The following ELK3 variants were observed in gnomAD, a reference collection of about 807,000 sequenced individuals.
ELK3 encodes the protein ETS domain-containing protein Elk-3.
A neutral mutation model predicts 28.9 loss-of-function variants in ELK3; 10 were observed. The observed-to-expected ratio is 0.35, with a 90% CI of 0.21 to 0.59. ELK3 has a LOEUF of 0.59. Among genes scored for constraint, ELK3 ranks in the 20% least tolerant of loss-of-function variants. The pLI, the probability that ELK3 is intolerant of heterozygous loss-of-function variation, is 0.82. For synonymous variants in ELK3, 272 were observed against 243.5 expected (o/e 1.12, Z -1.09); for missense variants, 463 against 517.3 (o/e 0.90, Z 1.02).
At chr12:96,263,365 TTTA>T (rs1952007463) in intron 4 of ELK3, among the ~76,000 whole-genome samples, 1 of 152,210 alleles carries the variant, frequency 6.6e-6, no homozygotes, top group Non-Finnish European at 1.5e-5. Context: ...TCTTGGACAG[TTTA>T]TTATTTTCTT....
chr12:96,237,975 C>T (rs1448314503), intron 2 of ELK3, among the ~76,000 whole-genome samples: 10 of 152,042 alleles, frequency 6.6e-5, no homozygotes, highest in East Asian at 1.9e-4. Context: ...CAGGAAGCCG[C>T]GGCCTGGAGA....
chr12:96,216,220 T>C (rs1402163119), intron 1 of ELK3, among the ~76,000 whole-genome samples: 1 of 152,168 alleles, frequency 6.6e-6, no homozygotes, highest in Non-Finnish European at 1.5e-5. Flanking sequence ...ACAGCTCTCA[T>C]GTACTTGACT....
intron 1 of ELK3, among the ~76,000 whole-genome samples, chr12:96,202,684 A>G (rs1376448229): frequency 1.3e-5 from 2 of 151,754 alleles, no homozygotes; most frequent in African/African-American, 2.4e-5. Context: ...GTGCCACCAC[A>G]CCTTGCTAAT....
intron 2 of ELK3, 80 bp downstream of exon 2, chr12:96,223,853 T>C: frequency 7.3e-7 from 1 of 1,374,982 alleles, no homozygotes; most frequent in Non-Finnish European, 1.0e-6. Flanking sequence ...AAGAAAATAA[T>C]AGCGTGCTAT....
At chr12:96,237,266 C>G (rs372617915) in intron 2 of ELK3, among the ~76,000 whole-genome samples, 1 of 152,072 alleles carries the variant, frequency 6.6e-6, no homozygotes, top group African/African-American at 2.4e-5. Flanking sequence ...TCAGAGGAGC[C>G]CTTTCATAAG....
In ELK3 at chr12:96,234,616, G is replaced by A. The variant is rs140442733; in HGVS notation, c.207+10843G>A. ...TGTAACATAAAAAAGAGATGCTTAC[G>A]TGTGTGCAGCATTTTGTTTTAAGCC... On this transcript the variant is annotated intron_variant, in intron 2 of 4. Coordinates refer to ENST00000228741, the MANE Select transcript of ELK3 (RefSeq NM_005230.4). Among the ~76,000 whole-genome samples the A allele has an allele frequency of 8.5e-5, 13 of 152,280 alleles. No individual in the cohort carries two copies. The East Asian group carries it at 2.3e-3, about 27-fold the overall frequency.
In ELK3 at chr12:96,254,888, C is replaced by A. The variant is rs936076218; in HGVS notation, c.1003-4843C>A. 7.9e-5 allele frequency among the ~76,000 whole-genome samples: 12 copies of A among 151,786 alleles called. No individual in the cohort carries two copies. The East Asian group carries it at 2.1e-3, about 27-fold the overall frequency. The stretch of plus-strand genomic sequence containing the variant: ...GTAGACAGGGAGAGGAAGGCATCGT[C>A]GGCAGAGGAACAGCTTGAGGCAAGG... On this transcript the variant is annotated intron_variant, in intron 3 of 4. Coordinates refer to ENST00000228741, the MANE Select transcript of ELK3 (RefSeq NM_005230.4).
chr12:96,255,095 AG>A (rs1453140942), intron 3 of ELK3, among the ~76,000 whole-genome samples: 1 of 152,064 alleles, frequency 6.6e-6, no homozygotes, highest in Non-Finnish European at 1.5e-5. Context: ...TGAGTATCTA[AG>A]GCTGTATGGT....
At chr12:96,258,058 G>A (rs777282574) in intron 3 of ELK3, among the ~76,000 whole-genome samples, 2 of 152,144 alleles carry the variant, frequency 1.3e-5, no homozygotes, top group South Asian at 2.1e-4. Flanking sequence ...ACCCTGTAAC[G>A]TGGGCATTTT....
At chr12:96,233,453 A>G (rs1037863247) in intron 2 of ELK3, among the ~76,000 whole-genome samples, 2 of 152,196 alleles carry the variant, frequency 1.3e-5, no homozygotes, top group Admixed American at 1.3e-4. Context: ...TAGCCTCACG[A>G]TGTACTGAAC....
intron 1 of ELK3, among the ~76,000 whole-genome samples, chr12:96,210,559 G>GCACACACACA (rs199706864): frequency 1.1e-3 from 155 of 143,156 alleles, no homozygotes; most frequent in African/African-American, 1.7e-3. Flanking sequence ...CTGCGCGCGG[G>GCACACACACA]CGCACGCACA....
intron 2 of ELK3, among the ~76,000 whole-genome samples, chr12:96,241,426 T>TTGTGTGTGTGTGTG (rs57658963): frequency 6.1e-5 from 9 of 146,346 alleles, no homozygotes; most frequent in African/African-American, 1.0e-4. Context: ...AGTGGAGCGT[T>TTGTGTGTGTGTGTG]TGTGTGTGTG....
intron 1 of ELK3, among the ~76,000 whole-genome samples, chr12:96,203,328 G>A (rs896133089): frequency 2.0e-5 from 3 of 152,172 alleles, no homozygotes; most frequent in Non-Finnish European, 4.4e-5. Flanking sequence ...CCGTAACTGC[G>A]GTCCCATTCG....
chr12:96,252,109 C>T (rs1382552960), intron 3 of ELK3, among the ~76,000 whole-genome samples: 1 of 152,226 alleles, frequency 6.6e-6, no homozygotes, highest in Non-Finnish European at 1.5e-5. Context: ...CTACTAAATA[C>T]ACTCTGCCTG....
intron 2 of ELK3, 97 bp downstream of exon 2, chr12:96,223,870 A>C (rs1418366300): frequency 1.6e-6 from 2 of 1,288,132 alleles, no homozygotes; most frequent in East Asian, 5.0e-5. Context: ...CTATGAATCA[A>C]GTTAGAAAAT....
At position 96,247,250 on chromosome 12, in the gene ELK3, GC is replaced by G. The variant is rs769175197; in HGVS notation, c.525del (p.Val176TrpfsTer7). 6.2e-7 allele frequency: 1 copy of G among 1,613,830 alleles called. No individual in the cohort carries two copies. Among genetic ancestry groups the G allele is most frequent in the Non-Finnish European group, 8.5e-7 (1 of 1,180,018 alleles). ...TEKLEEPPED[S>X]PPVEEVRTVI... ...AAGCTGGAGGAGCCGCCCGAAGACA[GC>G]CCCCCCGTGGAAGAAGTCAGGACTG... On this transcript the variant is annotated frameshift_variant, in exon 3 of 5. Coordinates refer to ENST00000228741, the MANE Select transcript of ELK3 (RefSeq NM_005230.4). LOFTEE classifies it high-confidence loss of function. This position sits in a 1 kb window ranked among gnomAD's most constrained non-coding sequence, Gnocchi z 5.5.
At chr12:96,258,839 G>A (rs1227384740) in intron 3 of ELK3, among the ~76,000 whole-genome samples, 4 of 152,086 alleles carry the variant, frequency 2.6e-5, no homozygotes, top group Non-Finnish European at 4.4e-5. Flanking sequence ...GGCCCTCCCT[G>A]CCCCCACCCA....
At chr12:96,217,937 C>CAA (rs34565681) in intron 1 of ELK3, among the ~76,000 whole-genome samples, 5,820 of 85,670 alleles carry the variant, frequency 0.068, 665 homozygotes, top group African/African-American at 0.22. Flanking sequence ...GACGCCGTCT[C>CAA]AAAAAAAAAA....
At chr12:96,220,896 G>C (rs915964849) in intron 1 of ELK3, among the ~76,000 whole-genome samples, 3 of 152,224 alleles carry the variant, frequency 2.0e-5, no homozygotes, top group South Asian at 2.1e-4. Context: ...TGCTGCTTCA[G>C]ATGATGGGCG....
Sources: gnomAD v4.1 joint callset for allele counts (sites outside exome capture counted in the v4.1 genomes callset) on GRCh38, gnomAD v4.1.1 for gene constraint, Gnocchi (gnomAD v3.1) non-coding constraint, MANE v1.5 for transcripts, NCBI Gene and HGNC (gene_info 2026-07-23, HGNC 2026-07-21) for gene names.